Variants in UBXN6 observed in about 807,000 individuals in gnomAD.
UBXN6 encodes the protein UBX domain protein 6.
A neutral mutation model predicts 51.4 loss-of-function variants in UBXN6; 44 were observed. The ratio of observed to expected loss-of-function variants is 0.86; its 90% confidence interval spans 0.67 to 1.10. The LOEUF is 1.10. Among genes scored for constraint, UBXN6 ranks in the 50% least tolerant of loss-of-function variants. UBXN6 has a pLI of 0.00. For synonymous variants in UBXN6, 316 were observed against 263.2 expected, an observed-to-expected ratio of 1.20 and a Z score of -1.94; for missense variants, 672 against 596.1, an observed-to-expected ratio of 1.13 and a Z score of -1.32.
chr19:4,455,384 T>G (rs1375893058), intron 1 of UBXN6: 2 of 805,268 alleles, frequency 2.5e-6, no homozygotes, highest in Non-Finnish European at 3.0e-6. Flanking sequence ...GCATCTTGGG[T>G]GGAAGAGGAG....
chr19:4,453,397 G>A (rs922924075), intron 3 of UBXN6, 61 bp downstream of exon 3: 3 of 1,570,976 alleles, frequency 1.9e-6, no homozygotes, highest in Non-Finnish European at 2.6e-6. Flanking sequence ...TCTCCCCCGT[G>A]ACACAGTCAA....
chr19:4,447,368 TA>T, intron 6 of UBXN6, 181 bp downstream of exon 6: 2 of 634,348 alleles, frequency 3.2e-6, no homozygotes, highest in South Asian at 1.8e-5. Context: ...GACCGGTGCA[TA>T]AAAGTCTTGC....
intron 9 of UBXN6, 40 bp downstream of exon 9, chr19:4,446,243 C>T (rs45503199): frequency 0.022 from 34,731 of 1,570,584 alleles, 453 homozygotes; most frequent in Middle Eastern, 0.044. Context: ...GGGCCCCCTA[C>T]CAACCCGAGC....
rs748942813 is a variant in UBXN6 at position 4,448,312 on chromosome 19, G to A, written c.539+6C>T. On this transcript the variant is annotated splice_donor_region_variant and intron_variant, in intron 5 of 10. Coordinates refer to ENST00000301281, the MANE Select transcript of UBXN6 (RefSeq NM_025241.3). ...GCCAGGCAGGGCAAAGGGGCCACAC[G>A]CTCACTTGGCAATGGTGTCCACACC... 24 of 1,599,878 alleles carry A rather than the reference G, an allele frequency of 1.5e-5. No individual in the cohort carries two copies. Among genetic ancestry groups the A allele is most frequent in the African/African-American group, 8.0e-5 (6 of 74,546 alleles).
At chr19:4,447,679 C>T (rs954553547) in intron 5 of UBXN6, 54 bp from the exon 6 acceptor site, 30 of 1,569,532 alleles carry the variant, frequency 1.9e-5, no homozygotes, top group Non-Finnish European at 2.5e-5. Context: ...CCACCCGGCC[C>T]CTCTGTGCCT....
rs770045889 is a variant in UBXN6 at position 4,446,322 on chromosome 19, G to A, written c.1012C>T (p.Leu338=). 6.4e-7 allele frequency: 1 copy of A among 1,574,426 alleles called. No individual in the cohort carries two copies. The highest frequency in any genetic ancestry group is 8.6e-7 in the Non-Finnish European group (1 of 1,166,038). ...CCATCGGGGAGGCGCACGCGCAGCA[G>A]CGTGTAGTTGTACTTGCGCAGCCCC... ...QRGLRKYNYT[L]LRVRLPDGCL... The change falls in exon 9 of 11, where the codon CTG becomes TTG. Residue 338 remains leucine, a synonymous_variant. Coordinates refer to ENST00000301281, the MANE Select transcript of UBXN6 (RefSeq NM_025241.3).
chr19:4,446,489 G>A lies in UBXN6; in HGVS notation c.920+11C>T, dbSNP rs748889534. 134 of 1,602,816 alleles carry A rather than the reference G, an allele frequency of 8.4e-5. 1 individual carries two copies. Among genetic ancestry groups the A allele is most frequent in the African/African-American group, 2.0e-4 (15 of 74,830 alleles). ...CCCCGCCCCACTCTGCTCCGCGGAC[G>A]TCAGGCCCACCTGAGCCTCTGCTCC... On this transcript the variant is annotated intron_variant, in intron 8 of 10. Transcript: ENST00000301281.
At chr19:4,450,074 G>A (rs147563273) in intron 4 of UBXN6, 2,968 of 151,816 alleles carry the variant, frequency 0.02, 36 homozygotes, top group Middle Eastern at 0.024. Context: ...AAATACAAAA[G>A]TTAGCCCGGG....
At position 4,453,525 on chromosome 19, in the gene UBXN6, G is replaced by A. The variant is rs1481300960; in HGVS notation, c.248-3C>T. Reference sequence around the variant, plus strand: ...TTCGGCTTGAAGTTCCTTTCTCACTGGAAGGCAGCCCAAGAAAGAGAGGCA... The same window carrying A: ...TTCGGCTTGAAGTTCCTTTCTCACTAGAAGGCAGCCCAAGAAAGAGAGGCA... On this transcript the variant is annotated splice_polypyrimidine_tract_variant and splice_region_variant and intron_variant, in intron 2 of 10. Coordinates refer to ENST00000301281, the MANE Select transcript of UBXN6 (RefSeq NM_025241.3). 1 of 1,613,508 alleles carries A rather than the reference G, an allele frequency of 6.2e-7. No homozygotes were observed. The highest frequency in any genetic ancestry group is 1.7e-5 in the Admixed American group (1 of 59,946).
At chr19:4,448,764 A>G in intron 4 of UBXN6, 1 of 275,358 alleles carries the variant, frequency 3.6e-6, no homozygotes, top group South Asian at 4.3e-5. Flanking sequence ...GGCCACCGCC[A>G]CTTACAGAAC....
intron 10 of UBXN6, 134 bp from the exon 11 acceptor site, chr19:4,445,757 C>G: frequency 2.1e-6 from 3 of 1,409,768 alleles, no homozygotes; most frequent in Non-Finnish European, 2.8e-6. Flanking sequence ...GTGGCTCGCA[C>G]CCAGGCCTCC....
intron 4 of UBXN6, chr19:4,448,666 C>G (rs889403194): frequency 1.9e-6 from 1 of 538,596 alleles, no homozygotes; most frequent in Non-Finnish European, 3.4e-6. Context: ...AAGGCTAGAT[C>G]CATGGGACTT....
At chr19:4,450,221 CA>C (rs537622437) in intron 4 of UBXN6, 2,849 of 49,180 alleles carry the variant, frequency 0.058, 69 homozygotes, top group African/African-American at 0.17. Context: ...GACTCTGTCT[CA>C]AAAAAAAAAA....
In UBXN6 at chr19:4,446,348, C is replaced by A; in HGVS notation, c.986G>T (p.Arg329Leu). The A allele has an allele frequency of 1.3e-6, 2 of 1,570,972 alleles. No individual in the cohort carries two copies. Among genetic ancestry groups the A allele is most frequent in the East Asian group, 2.3e-5 (1 of 43,040 alleles). Residue 329 changes from arginine (R) to leucine (L), a missense_variant, in exon 9 of 11, where the codon CGG (arginine) becomes CTG (leucine). Arg to Leu is a moderately radical substitution (Grantham distance 102, BLOSUM62 -2). Transcript: ENST00000301281. ...CGTGTAGTTGTACTTGCGCAGCCCCCGCTGCTCCTCCTTCTCCCGCATGGC... is the reference window on the plus strand; with the variant it reads ...CGTGTAGTTGTACTTGCGCAGCCCCAGCTGCTCCTCCTTCTCCCGCATGGC... Reference protein sequence around the residue: ...TKAMREKEEQRGLRKYNYTLL... With the variant: ...TKAMREKEEQLGLRKYNYTLL...
intron 3 of UBXN6, among the ~76,000 whole-genome samples, chr19:4,452,984 T>C (rs1159421823): frequency 6.6e-6 from 1 of 152,180 alleles, no homozygotes; most frequent in Non-Finnish European, 1.5e-5. Context: ...GCCCACCTCC[T>C]AGAGGAAGGC....
chr19:4,445,672 C>T lies in UBXN6; in HGVS notation c.1201-49G>A, dbSNP rs369581272. On this transcript the variant is annotated intron_variant, in intron 10 of 10. Coordinates refer to ENST00000301281, the MANE Select transcript of UBXN6 (RefSeq NM_025241.3). ...TCTGAGACCGAGAGTCGGCCCTTGC[C>T]GCGGCAGGGAACTCAGCGGGCAACC... 88 of 1,587,374 alleles carry T rather than the reference C, an allele frequency of 5.5e-5. 1 individual carries two copies. The highest frequency in any genetic ancestry group is 6.3e-5 in the Non-Finnish European group (74 of 1,166,724).
chr19:4,446,413 C>A lies in UBXN6; in HGVS notation c.921G>T (p.Arg307Ser). The A allele has an allele frequency of 6.3e-7, 1 of 1,578,606 alleles. No homozygotes were observed. The highest frequency in any genetic ancestry group is 8.6e-7 in the Non-Finnish European group (1 of 1,169,136). ...AEEIKREQRL[R>S]SEAVERLSVL... ...CGCTCAGCCGCTCCACCGCCTCGGA[C>A]CTGCACACGCGGGCCAGGTCACGAG... Residue 307 changes from arginine (R) to serine (S), a missense_variant and splice_region_variant, in exon 9 of 11, where the codon AGG becomes AGT. Coordinates refer to ENST00000301281, the MANE Select transcript of UBXN6 (RefSeq NM_025241.3).
rs1974486541 is a variant in UBXN6, at chr19:4,445,460, GAC to G, written c.*36_*37del. 6.2e-7 allele frequency: 1 copy of G among 1,612,924 alleles called. No individual in the cohort carries two copies. Among genetic ancestry groups the G allele is most frequent in the African/African-American group, 1.3e-5 (1 of 75,044 alleles). On this transcript the variant is annotated 3_prime_UTR_variant, in exon 11 of 11. Coordinates refer to ENST00000301281, the MANE Select transcript of UBXN6 (RefSeq NM_025241.3). ...GGGGAGAGGAACAGGGAGAGCATGAGACAGACCCACAGGGCTGAGGCCAACCC... is the reference window on the plus strand; with the variant it reads ...GGGGAGAGGAACAGGGAGAGCATGAGAGACCCACAGGGCTGAGGCCAACCC...
In UBXN6 at chr19:4,445,419, GA is replaced by G; in HGVS notation, c.*78del. On this transcript the variant is annotated 3_prime_UTR_variant, in exon 11 of 11. Transcript: ENST00000301281. ...GCCAAGTATTTCCAGAGGTGGCTTG[GA>G]GGCCCTGGGGTGGCGGGGAGAGGAA... 6.3e-7 allele frequency: 1 copy of G among 1,589,692 alleles called. No homozygotes were observed. The highest frequency in any genetic ancestry group is 8.6e-7 in the Non-Finnish European group (1 of 1,165,000).
Sources: allele counts gnomAD v4.1 joint callset (sites outside exome capture counted in the v4.1 genomes callset), GRCh38; gene constraint gnomAD v4.1.1; transcripts MANE v1.5; gene names NCBI Gene and HGNC (gene_info 2026-07-23, HGNC 2026-07-21).